GPANK1: variants seen among roughly 807,000 people sequenced by gnomAD.
GPANK1 encodes G-patch domain and ankyrin repeats 1, also known as G patch domain and ankyrin repeat-containing protein 1.
In GPANK1, 22 loss-of-function variants were observed where a neutral mutation model predicts 24.0. That is an observed-to-expected ratio of 0.92 (90% CI 0.66 to 1.31). GPANK1 has a LOEUF of 1.31. Ranked by LOEUF, GPANK1 falls within the 50% of genes most tolerant of loss-of-function variation. GPANK1 has a pLI of 0.00. For synonymous variants in GPANK1, 174 were observed against 177.4 expected, an observed-to-expected ratio of 0.98 and a Z score of 0.15; for missense variants, 469 against 453.5, an observed-to-expected ratio of 1.03 and a Z score of -0.31.
At position 31,664,394 on chromosome 6, in the gene GPANK1, C is replaced by T. The variant is rs768756360; in HGVS notation, c.85G>A (p.Glu29Lys). The change falls in exon 2 of 3, where the codon GAG becomes AAG. Residue 29 changes from glutamate (E) to lysine (K), a missense_variant. Physicochemically the swap from Glu to Lys is moderately conservative, Grantham distance 56. Coordinates refer to ENST00000375896, the MANE Select transcript of GPANK1 (RefSeq NM_033177.4). ...CCATCCAGGGTGGACTCTGGCTTCT[C>T]GGGCTGTGGCTGCTGCTGCCCATCC... ...WKDGQQQPQP[E>K]KPESTLDGAA... is the part of the protein sequence containing the mutation. 6.2e-7 allele frequency: 1 copy of T among 1,614,160 alleles called. No homozygotes were observed. Among genetic ancestry groups the T allele is most frequent in the South Asian group, 1.1e-5 (1 of 91,088 alleles).
At chr6:31,665,127 TCA>T (rs1801468786), upstream of GPANK1, 1 of 413,590 alleles carries the variant, frequency 2.4e-6, no homozygotes, top group Admixed American at 3.6e-5. Flanking sequence ...AGCTCCGGGT[TCA>T]GTTTCCCGCG....
chr6:31,665,268 C>T, upstream of GPANK1: 1 of 635,420 alleles, frequency 1.6e-6, no homozygotes, highest in South Asian at 1.8e-5. Context: ...CTCAACGTGG[C>T]CCCCGCTCCA....
upstream of GPANK1, chr6:31,665,762 A>C (rs1199213244): frequency 1.0e-6 from 1 of 977,904 alleles, no homozygotes; most frequent in East Asian, 2.8e-5. Flanking sequence ...GCGGAAAGAG[A>C]TCCAGCCTGG....
In GPANK1 at chr6:31,662,571, A is replaced by G. The variant is rs963936179; in HGVS notation, c.766T>C (p.Ser256Pro). The change falls in exon 3 of 3, where the codon TCC becomes CCC. Residue 256 changes from serine (S) to proline (P), a missense_variant. Transcript: ENST00000375896. The surrounding 1 kb of genome is among the most constrained non-coding windows in gnomAD (Gnocchi z 5.5). Reference sequence around the variant, plus strand: ...AGCAGCAGTTTGAAGCCCGGGCTGGAGATGGGCACCCCAAGTGGAAGGTTG... The same window carrying G: ...AGCAGCAGTTTGAAGCCCGGGCTGGGGATGGGCACCCCAAGTGGAAGGTTG... ...PPNLPLGVPI[S>P]SPGFKLLLRG... 6.2e-7 allele frequency: 1 copy of G among 1,612,798 alleles called. No individual in the cohort carries two copies. The highest frequency in any genetic ancestry group is 1.3e-5 in the African/African-American group (1 of 74,876).
At position 31,662,161 on chromosome 6, in the gene GPANK1, C is replaced by G. The variant is rs751154127; in HGVS notation, c.*105G>C. On this transcript the variant is annotated 3_prime_UTR_variant, in exon 3 of 3. Coordinates refer to ENST00000375896, the MANE Select transcript of GPANK1 (RefSeq NM_033177.4). This position sits in a 1 kb window ranked among gnomAD's most constrained non-coding sequence, Gnocchi z 5.5. ...GACAGAGCCTATTGACCAAAAACTTCAGGATCTGCATCTGAGCAGATCCCA... is the reference window on the plus strand; with the variant it reads ...GACAGAGCCTATTGACCAAAAACTTGAGGATCTGCATCTGAGCAGATCCCA... The G allele has an allele frequency of 4.9e-4, 322 of 662,216 alleles. No individual in the cohort carries two copies. The highest frequency in any genetic ancestry group is 5.2e-4 in the Non-Finnish European group (205 of 394,286). 41.0% of individuals were successfully genotyped at this position (662,216 alleles called of 1,614,324 possible).
rs1801327035 is a variant in GPANK1 at position 31,664,289 on chromosome 6, G to GT, written c.189dup (p.Pro64ThrfsTer36). ...TTCTTTCTCTTTCTTTCTCTGGCAG[G>GT]TTCAGTCTGAGATCTCTGGGAGTCA... On this transcript the variant is annotated frameshift_variant, in exon 2 of 3. Transcript: ENST00000375896. LOFTEE classifies it high-confidence loss of function. The GT allele has an allele frequency of 6.2e-7, 1 of 1,613,900 alleles. No homozygotes were observed. Among genetic ancestry groups the GT allele is most frequent in the Admixed American group, 1.7e-5 (1 of 59,996 alleles).
intron 2 of GPANK1, 24 bp downstream of exon 2, chr6:31,663,829 G>T (rs754581508): frequency 1.3e-6 from 2 of 1,535,002 alleles, no homozygotes; most frequent in South Asian, 2.6e-5. Context: ...TGAGACATGG[G>T]TCTGAGCTAA....
Position 31,662,744 on chromosome 6 carries a change from G to A in GPANK1, c.627-34C>T, listed in dbSNP as rs752710178. On this transcript the variant is annotated intron_variant, in intron 2 of 2. Coordinates refer to ENST00000375896, the MANE Select transcript of GPANK1 (RefSeq NM_033177.4). This position sits in a 1 kb window ranked among gnomAD's most constrained non-coding sequence, Gnocchi z 5.5. ...AAAGAAGAAAAAGCATTAAGGGCAG[G>A]GGAAGGAAAAGGGGAAGAGTTGAGG... 1 of 1,417,906 alleles carries A rather than the reference G, an allele frequency of 7.1e-7. No homozygotes were observed. Among genetic ancestry groups the A allele is most frequent in the African/African-American group, 1.4e-5 (1 of 70,194 alleles). The allele number at this position is 1,417,906 out of a possible 1,614,324, so 87.8% of individuals were successfully genotyped here.
chr6:31,662,382 C>T lies in GPANK1; in HGVS notation c.955G>A (p.Gly319Arg). Residue 319 changes from glycine to arginine, a missense_variant, in exon 3 of 3, where the codon GGG becomes AGG. Physicochemically the swap from Gly to Arg is moderately radical, Grantham distance 125. Coordinates refer to ENST00000375896, the MANE Select transcript of GPANK1 (RefSeq NM_033177.4). This position sits in a 1 kb window ranked among gnomAD's most constrained non-coding sequence, Gnocchi z 5.5. ...GCCACCCGAGGGGGTCTCTCCCTCC[C>T]AGCCACAGCTCGGGTATCCCAAGCT... is the stretch of plus-strand genomic sequence containing the variant. ...FPAWDTRAVA[G>R]RERPPRVATL... 1 of 1,612,488 alleles carries T rather than the reference C, an allele frequency of 6.2e-7. No homozygotes were observed. Among genetic ancestry groups the T allele is most frequent in the Non-Finnish European group, 8.5e-7 (1 of 1,179,694 alleles).
chr6:31,664,238 CTGCTGG>C lies in GPANK1; in HGVS notation c.235_240del (p.Pro79_Ala80del). 6.2e-7 allele frequency: 1 copy of C among 1,613,832 alleles called. No individual in the cohort carries two copies. Among genetic ancestry groups the C allele is most frequent in the Non-Finnish European group, 8.5e-7 (1 of 1,179,666 alleles). On this transcript the variant is annotated inframe_deletion, in exon 2 of 3. Transcript: ENST00000375896. ...GATGCTCCTTCTGCCACTGCTTCTG[CTGCTGG>C]TGCCTTCATTATTCTTCTTTTCTTT...
upstream of GPANK1, chr6:31,665,741 T>G: frequency 1.1e-6 from 1 of 894,994 alleles, no homozygotes; most frequent in South Asian, 1.8e-5. Context: ...GAGGGGAACG[T>G]GAGGAGAGCT....
chr6:31,664,272 C>T lies in GPANK1; in HGVS notation c.207G>A (p.Lys69=). ...RSQTEPARER[K]RKKRRIMKAP... ...CCTTCATTATTCTTCTTTTCTTTCTCTTTCTTTCTCTGGCAGGTTCAGTCT... is the reference window on the plus strand; with the variant it reads ...CCTTCATTATTCTTCTTTTCTTTCTTTTTCTTTCTCTGGCAGGTTCAGTCT... Residue 69 remains lysine (K), a synonymous_variant, in exon 2 of 3, where the codon AAG becomes AAA. Coordinates refer to ENST00000375896, the MANE Select transcript of GPANK1 (RefSeq NM_033177.4). The T allele has an allele frequency of 6.2e-7, 1 of 1,613,960 alleles. No individual in the cohort carries two copies. The highest frequency in any genetic ancestry group is 8.5e-7 in the Non-Finnish European group (1 of 1,179,826).
chr6:31,665,590 C>T, upstream of GPANK1: 1 of 1,200,730 alleles, frequency 8.3e-7, no homozygotes, highest in Non-Finnish European at 1.2e-6. Context: ...CCTCATGAGG[C>T]AGGAGCCCGG....
At position 31,661,700 on chromosome 6, in the gene GPANK1, C is replaced by CAA. The variant is rs367804690; in HGVS notation, c.*564_*565dup. The CAA allele has an allele frequency of 2.7e-4, 43 of 158,328 alleles. No homozygotes were observed. The highest frequency in any genetic ancestry group is 2.1e-3 in the South Asian group (16 of 7,476). The allele number at this position is 158,328 out of a possible 1,614,324, so 9.8% of individuals were successfully genotyped here. ...GGGCAATGAGAGCGAAACTGCATCT[C>CAA]AAAAAAAAAAGAAAAAAATTGATAA... On this transcript the variant is annotated 3_prime_UTR_variant, in exon 3 of 3. Transcript: ENST00000375896.
Position 31,662,683 on chromosome 6 carries a change from G to A in GPANK1, c.654C>T (p.Cys218=), listed in dbSNP as rs1384833714. ...CTTGGAAGTGGGTGTCACAGTTCTCGCAGTACTGGAGGGAGGGAGTAGGAG... is the reference window on the plus strand; with the variant it reads ...CTTGGAAGTGGGTGTCACAGTTCTCACAGTACTGGAGGGAGGGAGTAGGAG... ...NRSPTPSLQY[C]ENCDTHFQDS... The change falls in exon 3 of 3, where the codon TGC becomes TGT. Residue 218 remains cysteine, a synonymous_variant. Transcript: ENST00000375896. This position sits in a 1 kb window ranked among gnomAD's most constrained non-coding sequence, Gnocchi z 5.5. 13 of 1,607,584 alleles carry A rather than the reference G, an allele frequency of 8.1e-6. No individual in the cohort carries two copies. The Admixed American group carries it at 8.4e-5, about 10-fold the overall frequency.
intron 2 of GPANK1, 105 bp downstream of exon 2, chr6:31,663,748 G>A (rs144266659): frequency 3.0e-5 from 45 of 1,476,692 alleles, no homozygotes; most frequent in African/African-American, 4.2e-5. Flanking sequence ...TACACATGAG[G>A]ATAAGGAAAG....
intron 1 of GPANK1, 126 bp from the exon 2 acceptor site, chr6:31,664,703 C>T: frequency 1.8e-6 from 1 of 563,256 alleles, no homozygotes; most frequent in Non-Finnish European, 3.1e-6. Context: ...ACAATACCGA[C>T]TTTGCTCCTT....
rs201893723 is a variant in GPANK1, at chr6:31,663,838, A to G, written c.626+15T>C. On this transcript the variant is annotated intron_variant, in intron 2 of 2. Coordinates refer to ENST00000375896, the MANE Select transcript of GPANK1 (RefSeq NM_033177.4). ...ACACAATGAGACATGGGTCTGAGCT[A>G]AAGTTTCCCCTTACCGGTTTTCCGG... 2.6e-4 allele frequency: 406 copies of G among 1,540,240 alleles called. No homozygotes were observed. Among genetic ancestry groups the G allele is most frequent in the Non-Finnish European group, 3.4e-4 (388 of 1,144,316 alleles).
In GPANK1 at chr6:31,662,718, G is replaced by C; in HGVS notation, c.627-8C>G. 1.3e-6 allele frequency: 2 copies of C among 1,548,384 alleles called. No individual in the cohort carries two copies. Among genetic ancestry groups the C allele is most frequent in the Admixed American group, 1.8e-5 (1 of 54,284 alleles). On this transcript the variant is annotated splice_polypyrimidine_tract_variant and splice_region_variant and intron_variant, in intron 2 of 2. Transcript: ENST00000375896. The surrounding 1 kb of genome is among the most constrained non-coding windows in gnomAD (Gnocchi z 5.5). Reference sequence around the variant, plus strand: ...AGGGAGGGAGTAGGAGACCTGCAGAGAAAGAAGAAAAAGCATTAAGGGCAG... The same window carrying C: ...AGGGAGGGAGTAGGAGACCTGCAGACAAAGAAGAAAAAGCATTAAGGGCAG...
Sources: allele counts gnomAD v4.1 joint callset, GRCh38; gene constraint gnomAD v4.1.1; non-coding constraint Gnocchi (gnomAD v3.1); transcripts MANE v1.5; gene names NCBI Gene and HGNC (gene_info 2026-07-23, HGNC 2026-07-21).